Variants in FOXK1 observed in about 807,000 individuals in gnomAD.
The protein encoded by FOXK1 is forkhead box protein K1.
In FOXK1, 19 loss-of-function variants were observed where a neutral mutation model predicts 51.9. The observed-to-expected ratio is 0.37, with a 90% CI of 0.26 to 0.54. The LOEUF (loss-of-function observed/expected upper bound fraction) is 0.54. FOXK1 is among the 20% of genes least tolerant of loss of function. FOXK1 has a pLI of 0.87. For missense variants in FOXK1, 870 were observed against 1,032.7 expected (o/e 0.84, Z 2.16); for synonymous variants, 537 against 482.6 (o/e 1.11, Z -1.48).
chr7:4,752,873 C>T (rs1780797554), intron 2 of FOXK1, among the ~76,000 whole-genome samples: 1 of 152,194 alleles, frequency 6.6e-6, no homozygotes, highest in African/African-American at 2.4e-5. Flanking sequence ...TTGACAAAGC[C>T]GATTTTGGGG....
rs559126400 is a variant in FOXK1, at chr7:4,734,971, G to A, written c.561-5867G>A. 2.0e-5 allele frequency among the ~76,000 whole-genome samples: 3 copies of A among 152,162 alleles called. No individual in the cohort carries two copies. Among genetic ancestry groups the A allele is most frequent in the Admixed American group, 2.0e-4 (3 of 15,278 alleles). ...TCCTTCCCTCTCTGATTATTTCTCT[G>A]AGTCTGAAATGATGACAATTGTATT... On this transcript the variant is annotated intron_variant, in intron 1 of 8. Transcript: ENST00000328914. This position sits in a 1 kb window ranked among gnomAD's most constrained non-coding sequence, Gnocchi z 5.2.
rs1025861221 is a variant in FOXK1 at position 4,731,110 on chromosome 7, C to T, written c.561-9728C>T. On this transcript the variant is annotated intron_variant, in intron 1 of 8. Transcript: ENST00000328914. This position sits in a 1 kb window ranked among gnomAD's most constrained non-coding sequence, Gnocchi z 5.3. ...TTCAGGCCTTATCTGATGTGGCCCA[C>T]CCTGGGACCGTCACCTGACTTCCTG... 6.6e-6 allele frequency among the ~76,000 whole-genome samples: 1 copy of T among 152,196 alleles called. No individual in the cohort carries two copies. Among genetic ancestry groups the T allele is most frequent in the African/African-American group, 2.4e-5 (1 of 41,454 alleles).
Position 4,761,140 on chromosome 7 carries a change from G to C in FOXK1, c.1773G>C (p.Gln591His). The C allele has an allele frequency of 1.2e-6, 2 of 1,612,950 alleles. No homozygotes were observed. The highest frequency in any genetic ancestry group is 8.5e-7 in the Non-Finnish European group (1 of 1,180,014). Residue 591 changes from glutamine to histidine, a missense_variant, in exon 8 of 9, where the codon CAG (glutamine) becomes CAC (histidine). This residue lies in a region of FOXK1 where 457 missense variants were observed against 510.8 expected (regional missense o/e 0.89). Coordinates refer to ENST00000328914, the MANE Select transcript of FOXK1 (RefSeq NM_001037165.2). This position sits in a 1 kb window ranked among gnomAD's most constrained non-coding sequence, Gnocchi z 6.2. ...GAGTCATCCAGACGGTGGCCAGCCA[G>C]ATGGCCCCCGGGGTCCCCGGACACA... ...AGGVIQTVAS[Q>H]MAPGVPGHTV...
intron 1 of FOXK1, among the ~76,000 whole-genome samples, chr7:4,721,748 G>A (rs190038653): frequency 3.5e-4 from 53 of 151,794 alleles, no homozygotes; most frequent in African/African-American, 1.3e-3. Flanking sequence ...GAGACACCAC[G>A]CCCAGCTAAT....
intron 1 of FOXK1, among the ~76,000 whole-genome samples, chr7:4,701,725 C>G (rs533718508): frequency 2.6e-5 from 4 of 152,302 alleles, no homozygotes; most frequent in African/African-American, 9.6e-5. Context: ...AACCGTGTCT[C>G]TACTAAAAAT....
intron 1 of FOXK1, among the ~76,000 whole-genome samples, chr7:4,687,553 A>T (rs554054007): frequency 8.6e-5 from 13 of 151,144 alleles, no homozygotes; most frequent in Non-Finnish European, 1.5e-4. Flanking sequence ...TTGGCCTCTC[A>T]AAAGTGCTAG....
chr7:4,718,925 C>T (rs6463011), intron 1 of FOXK1, among the ~76,000 whole-genome samples: 64,101 of 151,790 alleles, frequency 0.42, 14,391 homozygotes, highest in African/African-American at 0.57. Flanking sequence ...TTCTCCTGCC[C>T]CAGCCTCCCG....
Position 4,769,169 on chromosome 7 carries a change from C to A in FOXK1, c.*6705C>A, listed in dbSNP as rs1781059474. On this transcript the variant is annotated 3_prime_UTR_variant, in exon 9 of 9. Transcript: ENST00000328914. The surrounding 1 kb of genome is among the most constrained non-coding windows in gnomAD (Gnocchi z 4.1). ...TTTCTTTCTGTCCAGGGAGAAACCC[C>A]TCGGAAGAATCTTAGTCACTCTTTG... The A allele has an allele frequency of 1.3e-5, 2 of 152,290 alleles. No individual in the cohort carries two copies. Among genetic ancestry groups the A allele is most frequent in the South Asian group, 4.1e-4 (2 of 4,830 alleles). The allele number at this position is 152,290 out of a possible 1,614,324, so 9.4% of individuals were successfully genotyped here. A position where few individuals can be genotyped will look rare whatever the true frequency, so the allele number is the denominator to read the frequency against.
intron 1 of FOXK1, among the ~76,000 whole-genome samples, chr7:4,710,164 C>T (rs537071668): frequency 2.0e-4 from 31 of 152,280 alleles, no homozygotes; most frequent in Admixed American, 3.3e-4. Flanking sequence ...TGACTTTGGA[C>T]GAGTAGTTCA....
At chr7:4,736,583 T>C (rs1780555125) in intron 1 of FOXK1, among the ~76,000 whole-genome samples, 1 of 152,058 alleles carries the variant, frequency 6.6e-6, no homozygotes, top group African/African-American at 2.4e-5. Flanking sequence ...TGGTTCATTT[T>C]TTGTATTTTT....
In FOXK1 at chr7:4,753,099, A is replaced by G. The variant is rs1780799949; in HGVS notation, c.747-1360A>G. Among the ~76,000 whole-genome samples, 1 of 152,192 alleles carries G rather than the reference A, an allele frequency of 6.6e-6. No homozygotes were observed. Among genetic ancestry groups the G allele is most frequent in the South Asian group, 2.1e-4 (1 of 4,826 alleles). ...TTTGGGGAGTCCGTTGTAAGAGAGA[A>G]TGGGAATTCCAGATCAGAGTCCTTA... is the stretch of plus-strand genomic sequence containing the variant. On this transcript the variant is annotated intron_variant, in intron 2 of 8. Transcript: ENST00000328914. The surrounding 1 kb of genome is among the most constrained non-coding windows in gnomAD (Gnocchi z 4.9).
chr7:4,693,653 C>A (rs1410719855), intron 1 of FOXK1, among the ~76,000 whole-genome samples: 1 of 152,190 alleles, frequency 6.6e-6, no homozygotes, highest in Non-Finnish European at 1.5e-5. Context: ...CCCTGGAGAA[C>A]AGCAGAGTGA....
chr7:4,728,867 G>C (rs1780414774), intron 1 of FOXK1, among the ~76,000 whole-genome samples: 1 of 152,150 alleles, frequency 6.6e-6, no homozygotes, highest in African/African-American at 2.4e-5. Context: ...AGGACGCAAA[G>C]TCTATGCAGA....
At chr7:4,689,301 T>C (rs1047612420) in intron 1 of FOXK1, among the ~76,000 whole-genome samples, 4 of 152,104 alleles carry the variant, frequency 2.6e-5, no homozygotes, top group African/African-American at 4.8e-5. Flanking sequence ...TGTGGTTCAT[T>C]TTGGCTGCCA....
rs537523757 is a variant in FOXK1 at position 4,738,906 on chromosome 7, G to A, written c.561-1932G>A. Among the ~76,000 whole-genome samples, 15 of 152,182 alleles carry A rather than the reference G, an allele frequency of 9.9e-5. No individual in the cohort carries two copies. The East Asian group carries it at 2.9e-3, about 29-fold the overall frequency. On this transcript the variant is annotated intron_variant, in intron 1 of 8. Coordinates refer to ENST00000328914, the MANE Select transcript of FOXK1 (RefSeq NM_001037165.2). ...GGCTAGCAGACCTATGGGAGGAGCC[G>A]CACATTTGTAATGCTGAGTCACTTC...
intron 1 of FOXK1, among the ~76,000 whole-genome samples, chr7:4,718,543 C>T (rs1268709309): frequency 6.6e-6 from 1 of 152,232 alleles, no homozygotes; most frequent in African/African-American, 2.4e-5. Flanking sequence ...ACTACAAATA[C>T]AATAGCTGCT....
chr7:4,741,078 A>G, intron 2 of FOXK1, 55 bp downstream of exon 2: 1 of 1,289,252 alleles, frequency 7.8e-7, no homozygotes, highest in Admixed American at 3.2e-5. Context: ...GGATGATGCG[A>G]GCGTGCCTGT....
chr7:4,696,196 G>A (rs1343791788), intron 1 of FOXK1, among the ~76,000 whole-genome samples: 1 of 151,634 alleles, frequency 6.6e-6, no homozygotes, highest in African/African-American at 2.4e-5. Flanking sequence ...ATTTGTCCCT[G>A]TCTTAACTCT....
chr7:4,696,286 T>G (rs997758028), intron 1 of FOXK1, among the ~76,000 whole-genome samples: 1 of 152,054 alleles, frequency 6.6e-6, no homozygotes, highest in Non-Finnish European at 1.5e-5. Flanking sequence ...AGCTTGCTGA[T>G]GTAGGGGAAA....
Sources: gnomAD v4.1 joint callset for allele counts (sites outside exome capture counted in the v4.1 genomes callset) on GRCh38, gnomAD v4.1.1 for gene constraint, gnomAD v4.1.1 regional missense constraint, Gnocchi (gnomAD v3.1) non-coding constraint, MANE v1.5 for transcripts, NCBI Gene and HGNC (gene_info 2026-07-23, HGNC 2026-07-21) for gene names.